Variants in USH2A observed in about 807,000 individuals in gnomAD.
USH2A encodes usherin.
A neutral mutation model predicts 538.9 loss-of-function variants in USH2A; 443 were observed. The ratio of observed to expected loss-of-function variants is 0.82; its 90% CI spans 0.76 to 0.89. The LOEUF is 0.89. Ranked by LOEUF, USH2A falls within the 40% of genes least tolerant of loss-of-function variation. USH2A has a pLI of 0.00. For synonymous variants in USH2A, 2,413 were observed against 2,273.5 expected, an observed-to-expected ratio of 1.06 and a Z score of -1.75; for missense variants, 6,633 against 6,324.8, an observed-to-expected ratio of 1.05 and a Z score of -1.65.
At chr1:215,897,748 A>G (rs1053062524) in intron 40 of USH2A, among the ~76,000 whole-genome samples, 1 of 151,984 alleles carries the variant, frequency 6.6e-6, no homozygotes, top group African/African-American at 2.4e-5. Flanking sequence ...AGAGAAAGAG[A>G]AAGAGAGTGA....
intron 38 of USH2A, among the ~76,000 whole-genome samples, chr1:215,915,277 G>C (rs974645325): frequency 6.6e-6 from 1 of 151,968 alleles, no homozygotes; most frequent in Non-Finnish European, 1.5e-5. Context: ...CTTCCTCACA[G>C]ACATAAAAGG....
At chr1:215,794,316 G>A (rs1662062707) in intron 50 of USH2A, among the ~76,000 whole-genome samples, 1 of 152,180 alleles carries the variant, frequency 6.6e-6, no homozygotes, top group Non-Finnish European at 1.5e-5. Context: ...GCAAATAAAA[G>A]AGTTTAAGTA....
chr1:216,396,177 G>C (rs1345743195), intron 3 of USH2A, among the ~76,000 whole-genome samples: 1 of 152,018 alleles, frequency 6.6e-6, no homozygotes, highest in Non-Finnish European at 1.5e-5. Context: ...ACAAAAATGA[G>C]TCTGAGTACA....
intron 38 of USH2A, among the ~76,000 whole-genome samples, chr1:215,903,852 T>G (rs1320274842): frequency 6.6e-6 from 1 of 152,122 alleles, no homozygotes; most frequent in African/African-American, 2.4e-5. Context: ...GACTAGAAAG[T>G]GCAAGAAGAT....
chr1:216,126,902 G>A (rs2102599220), intron 21 of USH2A, among the ~76,000 whole-genome samples: 1 of 152,254 alleles, frequency 6.6e-6, no homozygotes, highest in East Asian at 1.9e-4. Context: ...TCATGATAAT[G>A]TGGTTAGCTG....
chr1:215,992,945 A>G, intron 35 of USH2A, 75 bp downstream of exon 35: 1 of 1,600,950 alleles, frequency 6.2e-7, no homozygotes, highest in East Asian at 2.2e-5. Flanking sequence ...AGCACCACAT[A>G]TAAGCTGCCA....
chr1:216,087,144 A>G (rs1384226120), intron 23 of USH2A, among the ~76,000 whole-genome samples: 1 of 152,152 alleles, frequency 6.6e-6, no homozygotes, highest in Non-Finnish European at 1.5e-5. Context: ...TGGGTCTCTG[A>G]CTGTGTGGCA....
chr1:215,966,146 A>G (rs556291411), intron 36 of USH2A, among the ~76,000 whole-genome samples: 2 of 152,280 alleles, frequency 1.3e-5, no homozygotes, highest in African/African-American at 4.8e-5. Flanking sequence ...CTATGCAGAA[A>G]AGAGCAAAAG....
intron 64 of USH2A, 150 bp from the exon 65 acceptor site, chr1:215,650,951 A>G: frequency 1.2e-6 from 1 of 831,134 alleles, no homozygotes; most frequent in Non-Finnish European, 1.9e-6. Flanking sequence ...CAACCTTGTA[A>G]TCACACAGGA....
At chr1:216,051,547 G>A (rs986040958) in intron 30 of USH2A, among the ~76,000 whole-genome samples, 1 of 152,190 alleles carries the variant, frequency 6.6e-6, no homozygotes, top group Admixed American at 6.5e-5. Context: ...ATGCTAACAA[G>A]AAATGAATCA....
intron 47 of USH2A, among the ~76,000 whole-genome samples, chr1:215,837,162 G>T (rs1663555189): frequency 6.6e-6 from 1 of 151,974 alleles, no homozygotes; most frequent in South Asian, 2.1e-4. Flanking sequence ...CTAATTTTTT[G>T]AACTGATTTA....
At chr1:215,828,475 T>A (rs4607850) in intron 47 of USH2A, among the ~76,000 whole-genome samples, 2 of 151,884 alleles carry the variant, frequency 1.3e-5, no homozygotes, top group Non-Finnish European at 2.9e-5. Flanking sequence ...AATATATAGA[T>A]ATTCATTAAT....
chr1:216,162,707 C>T lies in USH2A; in HGVS notation c.4627+12545G>A, dbSNP rs114932842. 2.1e-3 allele frequency among the ~76,000 whole-genome samples: 315 copies of T among 152,118 alleles called. 4 individuals carry two copies. Among genetic ancestry groups the T allele is most frequent in the African/African-American group, 7.1e-3 (294 of 41,512 alleles). ...AGCATGGGAATTTACTCATAAAGGA[C>T]GGACTTTTGGAGAGTCGAGTGAAAG... On this transcript the variant is annotated intron_variant, in intron 21 of 71. Coordinates refer to ENST00000307340, the MANE Select transcript of USH2A (RefSeq NM_206933.4).
chr1:215,930,794 A>G (rs1390836325), intron 38 of USH2A, among the ~76,000 whole-genome samples: 1 of 152,024 alleles, frequency 6.6e-6, no homozygotes, highest in Non-Finnish European at 1.5e-5. Context: ...TAACCCCATT[A>G]GTAACTCCAG....
At position 216,321,921 on chromosome 1, in the gene USH2A, A is replaced by G. The variant is rs111033273; in HGVS notation, c.1606T>C (p.Cys536Arg). The G allele has an allele frequency of 4.1e-5, 66 of 1,613,792 alleles. No individual in the cohort carries two copies. Among genetic ancestry groups the G allele is most frequent in the Non-Finnish European group, 5.5e-5 (65 of 1,179,884 alleles). Residue 536 changes from cysteine (C) to arginine (R), a missense_variant, in exon 9 of 72, where the codon TGC (cysteine) becomes CGC (arginine). Coordinates refer to ENST00000307340, the MANE Select transcript of USH2A (RefSeq NM_206933.4). The part of the protein sequence containing the change: ...NCDTTSQPYR[C>R]LCSQESFTEG... ...GTGAAGCTCTCCTGGGAGCAGAGGC[A>G]TCTATATGGCTGGCTTGTTGTGTCG... is the stretch of plus-strand genomic sequence containing the variant.
intron 61 of USH2A, among the ~76,000 whole-genome samples, chr1:215,694,211 A>C (rs1658718234): frequency 1.3e-5 from 2 of 152,204 alleles, no homozygotes; most frequent in African/African-American, 4.8e-5. Context: ...CAAATGAATT[A>C]CAAATTCGCA....
chr1:215,982,216 A>G (rs1038817817), intron 35 of USH2A, among the ~76,000 whole-genome samples: 1 of 152,212 alleles, frequency 6.6e-6, no homozygotes, highest in African/African-American at 2.4e-5. Context: ...AAAATGGGGT[A>G]ATATTCCTTG....
chr1:216,078,107 G>T lies in USH2A; in HGVS notation c.5554C>A (p.His1852Asn), dbSNP rs1223670499. 3 of 1,613,606 alleles carry T rather than the reference G, an allele frequency of 1.9e-6. No homozygotes were observed. The highest frequency in any genetic ancestry group is 4.5e-5 in the East Asian group (2 of 44,858). The part of the protein sequence containing the change: ...IPQELLNSYQ[H>N]LCLEQGFGGC... Reference sequence around the variant, plus strand: ...AACTTACCTTGTTCCAAACACAAATGTTGATAAGAGTTCAGCAGTTCCTGT... The same window carrying T: ...AACTTACCTTGTTCCAAACACAAATTTTGATAAGAGTTCAGCAGTTCCTGT... Residue 1852 changes from histidine to asparagine, a missense_variant, in exon 27 of 72, where the codon CAT (histidine) becomes AAT (asparagine). Physicochemically the swap from His to Asn is moderately conservative, Grantham distance 68. Transcript: ENST00000307340.
At chr1:215,959,062 C>T (rs1667136833) in intron 37 of USH2A, among the ~76,000 whole-genome samples, 1 of 152,062 alleles carries the variant, frequency 6.6e-6, no homozygotes, top group Non-Finnish European at 1.5e-5. Flanking sequence ...GAGCCAGAAG[C>T]ACCATGCTTA....
Sources: gnomAD v4.1 joint callset for allele counts (sites outside exome capture counted in the v4.1 genomes callset) on GRCh38, gnomAD v4.1.1 for gene constraint, MANE v1.5 for transcripts, NCBI Gene and HGNC (gene_info 2026-07-23, HGNC 2026-07-21) for gene names.